The following ACTR3C variants were observed in gnomAD, a reference collection of about 807,000 sequenced individuals.
The protein encoded by ACTR3C is actin-related protein 3C.
A neutral mutation model predicts 26.3 loss-of-function variants in ACTR3C; 18 were observed. That is an observed-to-expected ratio of 0.68 (90% CI 0.47 to 1.01). The LOEUF is 1.01. Among genes scored for constraint, ACTR3C ranks in the 50% least tolerant of loss-of-function variants. The pLI is 0.00. For synonymous variants in ACTR3C, 55 were observed against 94.5 expected (o/e 0.58, Z 2.42); for missense variants, 184 against 250.7 (o/e 0.73, Z 1.80).
At chr7:150,003,722 T>C in the ACTR3C span, among the ~76,000 whole-genome samples, 20,529 of 142,682 alleles carry the variant, frequency 0.14, no homozygotes, top group Admixed American at 0.22. Context: ...TGGTGTCTGG[T>C]GTGGTGTGGT....
At chr7:150,288,291 G>T (rs187805375) in intron 4 of ACTR3C, among the ~76,000 whole-genome samples, 2 of 150,626 alleles carry the variant, frequency 1.3e-5, no homozygotes, top group Non-Finnish European at 2.9e-5. Flanking sequence ...GGCCCAGCAT[G>T]AGGGTCAGGA....
At position 150,316,081 on chromosome 7, in the gene ACTR3C, C is replaced by T. The variant is rs570020755; in HGVS notation, c.-52+7388G>A. ...GCATCGTGGCACATGCCTGTAATCC[C>T]AGCTATTCAGGAGGCTAAGGCAGGA... On this transcript the variant is annotated intron_variant, in intron 1 of 7. Coordinates refer to ENST00000683684, the MANE Select transcript of ACTR3C (RefSeq NM_001164458.2). Among the ~76,000 whole-genome samples the T allele has an allele frequency of 2.0e-5, 3 of 152,308 alleles. No individual in the cohort carries two copies. In the South Asian group the frequency reaches 6.2e-4, roughly 32 times the overall value.
At chr7:149,960,763 T>C in the ACTR3C span, among the ~76,000 whole-genome samples, 1 of 152,090 alleles carries the variant, frequency 6.6e-6, no homozygotes, top group Admixed American at 6.6e-5. Flanking sequence ...GAACTGGCAT[T>C]GGAGAAACAC....
the ACTR3C span, among the ~76,000 whole-genome samples, chr7:150,048,337 C>G: frequency 6.6e-6 from 1 of 152,130 alleles, no homozygotes; most frequent in Non-Finnish European, 1.5e-5. Flanking sequence ...CCTCCGCCCC[C>G]TTCCCCACCG....
chr7:150,048,605 C>T, the ACTR3C span, among the ~76,000 whole-genome samples: 3 of 151,904 alleles, frequency 2.0e-5, no homozygotes, highest in East Asian at 2.0e-4. Flanking sequence ...GCAGGCAGGC[C>T]GGCCAGGGGG....
chr7:150,251,292 G>T (rs975470448), intron 6 of ACTR3C, among the ~76,000 whole-genome samples: 2 of 151,960 alleles, frequency 1.3e-5, no homozygotes, highest in Non-Finnish European at 2.9e-5. Flanking sequence ...TACTTTATTG[G>T]TTGTTATTTT....
the ACTR3C span, among the ~76,000 whole-genome samples, chr7:150,128,977 G>C: frequency 1.3e-5 from 2 of 150,526 alleles, no homozygotes; most frequent in Admixed American, 6.6e-5. Flanking sequence ...ACAAAGCCCA[G>C]AGTTCCAGGA....
chr7:149,946,551 C>A, the ACTR3C span, among the ~76,000 whole-genome samples: 1 of 152,184 alleles, frequency 6.6e-6, no homozygotes, highest in Non-Finnish European at 1.5e-5. Context: ...TGGTTTCCCC[C>A]ATCCTTGGCT....
At chr7:149,994,843 T>C in the ACTR3C span, among the ~76,000 whole-genome samples, 2 of 139,126 alleles carry the variant, frequency 1.4e-5, no homozygotes, top group Non-Finnish European at 3.1e-5. Context: ...GTGTTAACAT[T>C]CTTTTTTTTT....
the ACTR3C span, among the ~76,000 whole-genome samples, chr7:150,038,920 G>C: frequency 2.3e-5 from 2 of 87,216 alleles, 1 homozygote; most frequent in Non-Finnish European, 5.2e-5. Context: ...CTAACAGCCA[G>C]GGGTGGAAGA....
chr7:150,033,750 C>T, the ACTR3C span, among the ~76,000 whole-genome samples: 5 of 149,408 alleles, frequency 3.3e-5, no homozygotes, highest in Admixed American at 6.7e-5. Flanking sequence ...AGTCCCCACC[C>T]TCGTGGGGGG....
At chr7:149,892,465 A>T in the ACTR3C span, 9 of 1,451,506 alleles carry the variant, frequency 6.2e-6, no homozygotes, top group East Asian at 2.2e-4. Context: ...ATCAAAAGGG[A>T]TAATATCCTA....
the ACTR3C span, among the ~76,000 whole-genome samples, chr7:150,084,470 G>A: frequency 1.3e-5 from 2 of 152,118 alleles, no homozygotes; most frequent in Non-Finnish European, 2.9e-5. Flanking sequence ...TGTGTGGCGG[G>A]GGGAGAGAGA....
chr7:150,111,974 A>G, the ACTR3C span, among the ~76,000 whole-genome samples: 1 of 151,836 alleles, frequency 6.6e-6, no homozygotes, highest in South Asian at 2.1e-4. Context: ...TTGGGAAAGC[A>G]ATGCAATCTC....
At chr7:149,913,000 T>C in the ACTR3C span, among the ~76,000 whole-genome samples, 1 of 152,252 alleles carries the variant, frequency 6.6e-6, no homozygotes, top group African/African-American at 2.4e-5. Flanking sequence ...TGAATAATCA[T>C]AATGTAACAA....
intron 6 of ACTR3C, among the ~76,000 whole-genome samples, chr7:150,266,959 A>G (rs2129610563): frequency 6.6e-6 from 1 of 152,356 alleles, no homozygotes; most frequent in South Asian, 2.1e-4. Flanking sequence ...AAACTTAACC[A>G]TACAACACAG....
At chr7:150,009,965 C>T in the ACTR3C span, among the ~76,000 whole-genome samples, 4 of 152,360 alleles carry the variant, frequency 2.6e-5, no homozygotes, top group South Asian at 6.2e-4. Flanking sequence ...GCTCCCATTA[C>T]TTGCCAATTT....
chr7:150,122,428 G>C, the ACTR3C span, among the ~76,000 whole-genome samples: 1 of 152,062 alleles, frequency 6.6e-6, no homozygotes, highest in African/African-American at 2.4e-5. Context: ...GTGGGCAAAG[G>C]ATATGAACAG....
the ACTR3C span, among the ~76,000 whole-genome samples, chr7:150,196,720 G>A: frequency 1.3e-5 from 2 of 151,816 alleles, no homozygotes; most frequent in African/African-American, 4.9e-5. Flanking sequence ...CCTTTCTTTG[G>A]AAGTTTGTTT....
Sources: gnomAD v4.1 joint callset for allele counts (sites outside exome capture counted in the v4.1 genomes callset) on GRCh38, gnomAD v4.1.1 for gene constraint, MANE v1.5 for transcripts, NCBI Gene and HGNC (gene_info 2026-07-23, HGNC 2026-07-21) for gene names.